Variants in ZFHX3 observed in about 807,000 individuals in gnomAD.
ZFHX3 encodes the protein zinc finger homeobox protein 3.
Under a neutral mutation model 279.1 loss-of-function variants are expected in ZFHX3, and 42 were observed. The observed-to-expected ratio is 0.15, with a 90% CI of 0.12 to 0.19. ZFHX3 has a LOEUF of 0.19. ZFHX3 is among the 10% of genes least tolerant of loss of function. The pLI, the probability that ZFHX3 is intolerant of heterozygous loss-of-function variation, is 1.00. For missense variants in ZFHX3, 4,981 were observed against 4,754.0 expected (o/e 1.05, Z -1.40); for synonymous variants, 2,293 against 1,957.8 (o/e 1.17, Z -4.52).
chr16:73,358,933 A>G (rs1475950284), intron 3 of ZFHX3, among the ~76,000 whole-genome samples: 6 of 152,226 alleles, frequency 3.9e-5, no homozygotes, highest in Admixed American at 3.9e-4. Flanking sequence ...GGATGCAAAG[A>G]TTAAACAAGA....
At chr16:73,217,586 A>T (rs2012259882) in intron 5 of ZFHX3, among the ~76,000 whole-genome samples, 1 of 152,222 alleles carries the variant, frequency 6.6e-6, no homozygotes, top group Non-Finnish European at 1.5e-5. Context: ...GCAAATGTCA[A>T]GTGCCTCTCG....
chr16:73,546,257 C>A (rs1230158810), intron 2 of ZFHX3, among the ~76,000 whole-genome samples: 4 of 152,102 alleles, frequency 2.6e-5, no homozygotes, highest in Admixed American at 2.6e-4. Flanking sequence ...GGCTACAGAA[C>A]CCAAATCATT....
intron 5 of ZFHX3, among the ~76,000 whole-genome samples, chr16:73,196,909 C>A (rs546746772): frequency 6.6e-6 from 1 of 152,070 alleles, no homozygotes; most frequent in African/African-American, 2.4e-5. Context: ...TGATGGTAGG[C>A]GTTCTGGAGG....
chr16:73,309,941 C>T (rs575800772), intron 4 of ZFHX3, among the ~76,000 whole-genome samples: 2 of 128,068 alleles, frequency 1.6e-5, no homozygotes, highest in South Asian at 5.4e-4. Flanking sequence ...TGGAGTCTCA[C>T]TCTGTAACCC....
At chr16:72,968,159 C>T (rs75142615) in intron 1 of ZFHX3, among the ~76,000 whole-genome samples, 2,555 of 152,152 alleles carry the variant, frequency 0.017, 30 homozygotes, top group East Asian at 0.056. Context: ...ACACAACATC[C>T]CTTCCCTGGT....
At chr16:73,483,392 AG>A (rs943357144) in intron 2 of ZFHX3, 14 of 455,926 alleles carry the variant, frequency 3.1e-5, no homozygotes, top group Admixed American at 1.9e-4. Flanking sequence ...GCCGGGAGCC[AG>A]GGTAGGGACC....
At chr16:72,838,899 AT>A (rs779346777) in intron 4 of ZFHX3, among the ~76,000 whole-genome samples, 315 of 145,668 alleles carry the variant, frequency 2.2e-3, no homozygotes, top group Non-Finnish European at 2.0e-3. Context: ...TCACAGGAAG[AT>A]TTTTTTTTTT....
chr16:72,986,810 C>A (rs1962867384), intron 1 of ZFHX3, among the ~76,000 whole-genome samples: 2 of 152,100 alleles, frequency 1.3e-5, no homozygotes, highest in Non-Finnish European at 2.9e-5. Context: ...CAGGGCTCTG[C>A]AAATATACCG....
intron 7 of ZFHX3, among the ~76,000 whole-genome samples, chr16:73,109,554 C>T (rs1442670004): frequency 2.1e-5 from 3 of 145,006 alleles, no homozygotes; most frequent in Non-Finnish European, 4.7e-5. Flanking sequence ...TGAAGCATTC[C>T]GTATTTTTTT....
At chr16:73,050,982 G>A (rs781720443), upstream of ZFHX3, among the ~76,000 whole-genome samples, 7 of 152,166 alleles carry the variant, frequency 4.6e-5, no homozygotes, top group Non-Finnish European at 8.8e-5. Flanking sequence ...TGATTCTACC[G>A]AGCCAAACCT....
intron 1 of ZFHX3, among the ~76,000 whole-genome samples, chr16:73,779,903 C>CA (rs1959395543): frequency 6.6e-6 from 1 of 151,668 alleles, no homozygotes; most frequent in Admixed American, 6.6e-5. Flanking sequence ...CTTTTTAGTA[C>CA]AGATGGGGTT....
chr16:72,858,800 G>A (rs1431752187), intron 4 of ZFHX3, among the ~76,000 whole-genome samples: 1 of 152,236 alleles, frequency 6.6e-6, no homozygotes, highest in Non-Finnish European at 1.5e-5. Flanking sequence ...CAACCTGGGC[G>A]ACACAGAGGG....
chr16:72,965,250 C>T (rs559436416), intron 1 of ZFHX3, among the ~76,000 whole-genome samples: 1 of 152,218 alleles, frequency 6.6e-6, no homozygotes, highest in Non-Finnish European at 1.5e-5. Context: ...CACACTCAGT[C>T]TTTAAGCACC....
chr16:72,883,736 G>C (rs1055770503), intron 4 of ZFHX3, among the ~76,000 whole-genome samples: 4 of 152,114 alleles, frequency 2.6e-5, no homozygotes, highest in African/African-American at 7.2e-5. Context: ...ATGTCCTTTA[G>C]ACAGATAAAG....
At chr16:72,842,656 T>C (rs887494689) in intron 4 of ZFHX3, among the ~76,000 whole-genome samples, 2 of 152,162 alleles carry the variant, frequency 1.3e-5, no homozygotes. Context: ...GAGATTTAGA[T>C]GGCAACCAAT....
intron 5 of ZFHX3, among the ~76,000 whole-genome samples, chr16:73,165,752 C>T (rs1310231313): frequency 1.3e-5 from 2 of 152,054 alleles, no homozygotes; most frequent in Non-Finnish European, 2.9e-5. Flanking sequence ...CGAGCTGGCC[C>T]CTCTAAAGAA....
chr16:73,047,566 T>C (rs1449075161), intron 1 of ZFHX3, among the ~76,000 whole-genome samples, 186 bp downstream of exon 1: 2 of 152,110 alleles, frequency 1.3e-5, no homozygotes, highest in Non-Finnish European at 2.9e-5. Flanking sequence ...AGAGCTTTAC[T>C]GTGTGCCCAG....
At chr16:72,868,745 C>T (rs1263135691) in intron 4 of ZFHX3, among the ~76,000 whole-genome samples, 1 of 152,250 alleles carries the variant, frequency 6.6e-6, no homozygotes, top group Non-Finnish European at 1.5e-5. Context: ...GCACAGAGAG[C>T]CTCCTGGTCA....
At chr16:73,792,022 T>A (rs1052162181) in intron 1 of ZFHX3, among the ~76,000 whole-genome samples, 6 of 152,144 alleles carry the variant, frequency 3.9e-5, no homozygotes, top group African/African-American at 1.4e-4. Context: ...AGAGCCAGAA[T>A]GAAGAATCAA....
Sources: gnomAD v4.1 joint callset for allele counts (sites outside exome capture counted in the v4.1 genomes callset) on GRCh38, gnomAD v4.1.1 for gene constraint, MANE v1.5 for transcripts, NCBI Gene and HGNC (gene_info 2026-07-23, HGNC 2026-07-21) for gene names.